SGPP2: variants seen among roughly 807,000 people sequenced by gnomAD.
SGPP2 encodes the protein sphingosine-1-phosphate phosphatase 2.
A neutral mutation model predicts 33.9 loss-of-function variants in SGPP2; 30 were observed. The observed-to-expected ratio is 0.89, with a 90% CI of 0.66 to 1.20. The LOEUF is 1.20. Among genes scored for constraint, SGPP2 ranks in the 50% most tolerant of loss-of-function variants. The pLI is 0.00. For missense variants in SGPP2, 458 were observed against 532.1 expected (o/e 0.86, Z 1.37); for synonymous variants, 233 against 225.0 (o/e 1.04, Z -0.32).
chr2:222,531,151 T>C (rs1347842177), intron 4 of SGPP2, among the ~76,000 whole-genome samples: 4 of 151,920 alleles, frequency 2.6e-5, no homozygotes, highest in African/African-American at 9.7e-5. Context: ...CATAGGGAGG[T>C]GAGAAGAAAG....
At chr2:222,485,738 G>T (rs1698096154) in intron 2 of SGPP2, among the ~76,000 whole-genome samples, 1 of 152,140 alleles carries the variant, frequency 6.6e-6, no homozygotes, top group Non-Finnish European at 1.5e-5. Flanking sequence ...CCCCAGGCCT[G>T]TCCAGCTCCT....
At chr2:222,524,826 GAATGC>G in intron 3 of SGPP2, 113 bp from the exon 4 acceptor site, 1 of 766,228 alleles carries the variant, frequency 1.3e-6, no homozygotes, top group Non-Finnish European at 2.1e-6. Flanking sequence ...CTGGTCTGGG[GAATGC>G]AAGATTTGGA....
Position 222,558,684 on chromosome 2 carries a change from C to T in SGPP2, c.986C>T (p.Ala329Val). The change falls in exon 5 of 5, where the codon GCA (alanine) becomes GTA (valine). Residue 329 changes from alanine to valine, a missense_variant. Transcript: ENST00000321276. ...TTAGTTTTGGGTCTGACCAAATTTGCAGTGGGAATTGTGTTGATCCTCTTG... is the reference window on the plus strand; with the variant it reads ...TTAGTTTTGGGTCTGACCAAATTTGTAGTGGGAATTGTGTTGATCCTCTTG... The part of the protein sequence containing the change: ...YMLVLGLTKF[A>V]VGIVLILLVR... The T allele has an allele frequency of 6.2e-7, 1 of 1,614,184 alleles. No homozygotes were observed. The highest frequency in any genetic ancestry group is 1.1e-5 in the South Asian group (1 of 91,074).
intron 4 of SGPP2, among the ~76,000 whole-genome samples, chr2:222,530,893 A>G (rs969708586): frequency 1.3e-5 from 2 of 152,196 alleles, no homozygotes; most frequent in African/African-American, 4.8e-5. Flanking sequence ...GATGACAGCC[A>G]GGTGCAGTGG....
chr2:222,542,461 G>C (rs988753413), intron 4 of SGPP2, among the ~76,000 whole-genome samples: 2 of 152,150 alleles, frequency 1.3e-5, no homozygotes, highest in African/African-American at 4.8e-5. Context: ...CCTGAGGCAT[G>C]CATATGTTCA....
intron 4 of SGPP2, among the ~76,000 whole-genome samples, chr2:222,533,485 G>A (rs4674662): frequency 0.88 from 134,098 of 152,234 alleles, 59,535 homozygotes; most frequent in East Asian, 1. Flanking sequence ...AAAGAGCCCA[G>A]TAAGTTCACC....
At chr2:222,546,170 GATTT>G (rs1689191575) in intron 4 of SGPP2, among the ~76,000 whole-genome samples, 1 of 151,612 alleles carries the variant, frequency 6.6e-6, no homozygotes, top group Non-Finnish European at 1.5e-5. Context: ...TAAGTGCTAT[GATTT>G]ATTTGATTTT....
intron 3 of SGPP2, among the ~76,000 whole-genome samples, chr2:222,522,322 C>T (rs1306365143): frequency 1.3e-5 from 2 of 152,080 alleles, no homozygotes; most frequent in African/African-American, 4.8e-5. Context: ...GTAAATGATT[C>T]TCCAGGGCTG....
chr2:222,453,660 C>A (rs1697527144), intron 1 of SGPP2, among the ~76,000 whole-genome samples: 1 of 152,042 alleles, frequency 6.6e-6, no homozygotes, highest in African/African-American at 2.4e-5. Context: ...ATAACATTTT[C>A]TTTTCTCTAG....
At chr2:222,513,854 C>A (rs549940337) in intron 2 of SGPP2, among the ~76,000 whole-genome samples, 2 of 152,282 alleles carry the variant, frequency 1.3e-5, no homozygotes, top group South Asian at 4.1e-4. Context: ...TGTGGCCTGG[C>A]AGACCCCTTG....
intron 4 of SGPP2, among the ~76,000 whole-genome samples, chr2:222,531,484 G>A (rs966767469): frequency 6.6e-6 from 1 of 152,108 alleles, no homozygotes; most frequent in African/African-American, 2.4e-5. Flanking sequence ...AATTCATAGA[G>A]ACCAAAATTA....
intron 1 of SGPP2, among the ~76,000 whole-genome samples, chr2:222,441,864 T>C (rs1697330116): frequency 6.6e-6 from 1 of 152,212 alleles, no homozygotes. Context: ...ATCAACTGTA[T>C]TGATTAGGAA....
At chr2:222,527,433 T>C (rs1264988734) in intron 4 of SGPP2, among the ~76,000 whole-genome samples, 1 of 152,252 alleles carries the variant, frequency 6.6e-6, no homozygotes, top group Non-Finnish European at 1.5e-5. Flanking sequence ...ACCTTTAGGC[T>C]ACTGTGAATA....
intron 2 of SGPP2, chr2:222,504,317 C>G (rs145041858): frequency 2.6e-5 from 4 of 152,356 alleles, no homozygotes; most frequent in African/African-American, 4.8e-5. Context: ...CTGTGGGGAG[C>G]AGTGATGGCG....
chr2:222,552,359 C>T (rs1689306961), intron 4 of SGPP2, among the ~76,000 whole-genome samples: 1 of 152,102 alleles, frequency 6.6e-6, no homozygotes, highest in Admixed American at 6.5e-5. Context: ...TCACCGAATC[C>T]AAGCCAACAT....
chr2:222,470,229 C>G (rs1697817543), intron 1 of SGPP2, among the ~76,000 whole-genome samples: 1 of 152,028 alleles, frequency 6.6e-6, no homozygotes, highest in South Asian at 2.1e-4. Context: ...ACACGCATAC[C>G]TGTGTAACAA....
intron 4 of SGPP2, among the ~76,000 whole-genome samples, chr2:222,557,032 C>A (rs367578274): frequency 1.3e-5 from 2 of 152,034 alleles, no homozygotes; most frequent in East Asian, 3.9e-4. Flanking sequence ...ATGTTGCTAC[C>A]CAGTGAGAGC....
chr2:222,474,002 G>A (rs764338088), intron 1 of SGPP2, among the ~76,000 whole-genome samples: 4 of 152,062 alleles, frequency 2.6e-5, no homozygotes, highest in African/African-American at 4.8e-5. Flanking sequence ...AAATGTTTGA[G>A]GTGACAGACA....
chr2:222,533,563 A>G (rs1476231517), intron 4 of SGPP2, among the ~76,000 whole-genome samples: 1 of 152,216 alleles, frequency 6.6e-6, no homozygotes, highest in Non-Finnish European at 1.5e-5. Context: ...AATGAGAATA[A>G]CAGACATCAA....
Sources: gnomAD v4.1 joint callset for allele counts (sites outside exome capture counted in the v4.1 genomes callset) on GRCh38, gnomAD v4.1.1 for gene constraint, MANE v1.5 for transcripts, NCBI Gene and HGNC (gene_info 2026-07-23, HGNC 2026-07-21) for gene names.